The following HYDIN variants were observed in gnomAD, a reference collection of about 807,000 sequenced individuals.
HYDIN encodes the protein axonemal central pair apparatus protein HYDIN.
Under a neutral mutation model 403.9 loss-of-function variants are expected in HYDIN, and 132 were observed. The ratio of observed to expected loss-of-function variants is 0.33; its 90% confidence interval spans 0.28 to 0.38. The LOEUF is 0.38. HYDIN is among the 10% of genes least tolerant of loss of function. The pLI is 1.00. For missense variants in HYDIN, 2,827 were observed against 5,009.5 expected, an observed-to-expected ratio of 0.56 and a Z score of 13.15; for synonymous variants, 1,202 against 1,891.7, an observed-to-expected ratio of 0.64 and a Z score of 9.46.
At chr16:70,999,846 G>C (rs2079644739) in intron 23 of HYDIN, among the ~76,000 whole-genome samples, 1 of 152,102 alleles carries the variant, frequency 6.6e-6, no homozygotes, top group African/African-American at 2.4e-5. Flanking sequence ...TTTGCTGTCA[G>C]GTGAGTAGTG....
intron 1 of HYDIN, among the ~76,000 whole-genome samples, chr16:71,188,403 A>C (rs2144672912): frequency 6.6e-6 from 1 of 152,296 alleles, no homozygotes; most frequent in African/African-American, 2.4e-5. Context: ...TCCAAACCAA[A>C]TTTTGGTTGG....
chr16:70,808,000 G>A lies in HYDIN; in HGVS notation c.14946C>T (p.Gly4982=), dbSNP rs2035205759. 1 of 1,613,914 alleles carries A rather than the reference G, an allele frequency of 6.2e-7. No individual in the cohort carries two copies. Among genetic ancestry groups the A allele is most frequent in the Non-Finnish European group, 8.5e-7 (1 of 1,179,984 alleles). Reference sequence around the variant, plus strand: ...ATAAGACTTCCACACTGGCTTCAGTGCCTCCCTGGCCTCCTGGGGCTGCAT... The same window carrying A: ...ATAAGACTTCCACACTGGCTTCAGTACCTCCCTGGCCTCCTGGGGCTGCAT... ...LINAAPGGQG[G]TEASVEVLFE... Residue 4982 remains glycine (G), a synonymous_variant, in exon 86 of 86, where the codon GGC becomes GGT. Coordinates refer to ENST00000393567, the MANE Select transcript of HYDIN (RefSeq NM_001270974.2).
At chr16:71,055,805 C>A (rs886479447) in intron 18 of HYDIN, among the ~76,000 whole-genome samples, 1 of 151,732 alleles carries the variant, frequency 6.6e-6, no homozygotes, top group African/African-American at 2.4e-5. Flanking sequence ...GACATCTGGA[C>A]CCAAGGTTTG....
chr16:71,113,766 T>C (rs1185507251), intron 10 of HYDIN: 1 of 152,152 alleles, frequency 6.6e-6, no homozygotes, highest in African/African-American at 2.4e-5. Context: ...ATTAAGTTTT[T>C]AATTTTTTGT....
intron 9 of HYDIN, among the ~76,000 whole-genome samples, chr16:71,128,152 T>G (rs890746321): frequency 6.6e-6 from 1 of 152,220 alleles, no homozygotes; most frequent in African/African-American, 2.4e-5. Flanking sequence ...TCTTTGACTA[T>G]GAAAATCACC....
intron 41 of HYDIN, among the ~76,000 whole-genome samples, chr16:70,944,153 C>G (rs190503050): frequency 1.3e-5 from 2 of 152,192 alleles, no homozygotes; most frequent in Non-Finnish European, 2.9e-5. Context: ...ATGGAAGGTA[C>G]GTTGTTTGTG....
At position 70,994,266 on chromosome 16, in the gene HYDIN, C is replaced by CATGGATGGATGG. The variant is rs34567184; in HGVS notation, c.3645-2068_3645-2057dup. Among the ~76,000 whole-genome samples, 109 of 136,670 alleles carry CATGGATGGATGG rather than the reference C, an allele frequency of 8.0e-4. 1 individual carries two copies. Among genetic ancestry groups the CATGGATGGATGG allele is most frequent in the African/African-American group, 1.2e-3 (46 of 37,546 alleles). 89.7% of individuals were successfully genotyped at this position (136,670 alleles called of 152,430 possible). On this transcript the variant is annotated intron_variant, in intron 23 of 85. Coordinates refer to ENST00000393567, the MANE Select transcript of HYDIN (RefSeq NM_001270974.2). ...GGTTGATTGAATGAATGGATGGATGCATGGATGGATGGATGGATGGATGGA... is the reference window on the plus strand; with the variant it reads ...GGTTGATTGAATGAATGGATGGATGCATGGATGGATGGATGGATGGATGGATGGATGGATGGA...
intron 12 of HYDIN, among the ~76,000 whole-genome samples, chr16:71,085,222 T>C (rs1156697775): frequency 1.2e-5 from 1 of 82,446 alleles, no homozygotes; most frequent in Non-Finnish European, 2.4e-5. Context: ...GTGAAGCCAC[T>C]TGATCTTGTT....
In HYDIN at chr16:70,855,211, G is replaced by T. The variant is rs375384248; in HGVS notation, c.12360C>A (p.Phe4120Leu). The change falls in exon 73 of 86, where the codon TTC (phenylalanine) becomes TTA (leucine). Residue 4120 changes from phenylalanine to leucine, a missense_variant. Phe to Leu is a conservative substitution (Grantham distance 22). Coordinates refer to ENST00000393567, the MANE Select transcript of HYDIN (RefSeq NM_001270974.2). ...NKEEQGFDFS[F>L]QDNSRYSEGF... ...CTTCAGAATAGCGGGAGTTGTCCTG[G>T]AAGGAAAAATCGAACCCCTGCTCCT... is the stretch of plus-strand genomic sequence containing the variant. 1.2e-3 allele frequency: 1,944 copies of T among 1,557,024 alleles called. 74 individuals carry two copies. The highest frequency in any genetic ancestry group is 1.6e-3 in the Non-Finnish European group (1,805 of 1,151,030).
intron 41 of HYDIN, among the ~76,000 whole-genome samples, chr16:70,951,306 A>C (rs1412784717): frequency 2.1e-5 from 3 of 140,406 alleles, no homozygotes; most frequent in African/African-American, 8.1e-5. Flanking sequence ...GAGAGAGAGA[A>C]ACTTCACAAC....
chr16:70,817,969 T>G (rs1023950434), intron 84 of HYDIN, among the ~76,000 whole-genome samples: 18 of 152,170 alleles, frequency 1.2e-4, no homozygotes, highest in African/African-American at 4.1e-4. Flanking sequence ...CTCAAACTCC[T>G]GACCTCAAGT....
At position 70,834,948 on chromosome 16, in the gene HYDIN, ATG is replaced by A. The variant is rs1446208279; in HGVS notation, c.13401+726_13401+727del. Among the ~76,000 whole-genome samples the A allele has an allele frequency of 1.0e-3, 150 of 146,830 alleles. 2 individuals are homozygous for A. Among genetic ancestry groups the A allele is most frequent in the Middle Eastern group, 7.1e-3 (2 of 282 alleles). ...CATATATGTATATATACACACATAT[ATG>A]TATATATATACACACATATATGTGT... On this transcript the variant is annotated intron_variant, in intron 78 of 85. Coordinates refer to ENST00000393567, the MANE Select transcript of HYDIN (RefSeq NM_001270974.2).
intron 1 of HYDIN, among the ~76,000 whole-genome samples, chr16:71,188,192 G>A (rs1483629045): frequency 6.6e-6 from 1 of 151,824 alleles, no homozygotes; most frequent in East Asian, 1.9e-4. Flanking sequence ...CTAGGTTTTT[G>A]CTATGTTGAC....
intron 47 of HYDIN, among the ~76,000 whole-genome samples, chr16:70,916,794 G>C (rs1164376637): frequency 6.6e-6 from 1 of 152,138 alleles, no homozygotes; most frequent in Non-Finnish European, 1.5e-5. Flanking sequence ...GAATTCTTCT[G>C]AGCATTCTTA....
chr16:70,914,131 G>A (rs2076771177), intron 47 of HYDIN, among the ~76,000 whole-genome samples: 1 of 151,996 alleles, frequency 6.6e-6, no homozygotes, highest in African/African-American at 2.4e-5. Context: ...TGTTAGTATT[G>A]AGATGTGAGG....
At position 70,818,401 on chromosome 16, in the gene HYDIN, C is replaced by T. The variant is rs1381219094; in HGVS notation, c.14599G>A (p.Glu4867Lys). ...PLPYSVTFST[E>K]CRMPDIALPS... The stretch of plus-strand genomic sequence containing the variant: ...AGGGCGATGTCGGGCATCCGGCATT[C>T]CGTGGAGAAGGTCACCGAGTAGGGC... The change falls in exon 84 of 86, where the codon GAA becomes AAA. Residue 4867 changes from glutamate (E) to lysine (K), a missense_variant. By Grantham distance (56) the Glu-to-Lys change is moderately conservative (BLOSUM62 1). Transcript: ENST00000393567. 8.1e-6 allele frequency: 13 copies of T among 1,613,740 alleles called. No homozygotes were observed. The highest frequency in any genetic ancestry group is 1.1e-5 in the Non-Finnish European group (13 of 1,179,798).
At chr16:71,079,017 G>T (rs1420583924) in intron 13 of HYDIN, among the ~76,000 whole-genome samples, 1 of 152,078 alleles carries the variant, frequency 6.6e-6, no homozygotes, top group Non-Finnish European at 1.5e-5. Context: ...AACCATATGT[G>T]GCGTGTACAA....
At chr16:70,893,580 C>T (rs61473369) in intron 55 of HYDIN, 2,686 of 151,718 alleles carry the variant, frequency 0.018, 57 homozygotes, top group East Asian at 0.11. Flanking sequence ...TGCAGTGGCA[C>T]GATCACGGCT....
Position 71,186,938 on chromosome 16 carries a change from G to A in HYDIN, c.-23-20C>T, listed in dbSNP as rs373937777. 10 of 1,540,242 alleles carry A rather than the reference G, an allele frequency of 6.5e-6. No homozygotes were observed. In the African/African-American group the frequency reaches 1.1e-4, roughly 17 times the overall value. ...TCTCACCTAAGAGTGAAACAAAAAT[G>A]TCTTAGAACAAATACAGTTAATTCC... On this transcript the variant is annotated intron_variant, in intron 1 of 85. Transcript: ENST00000393567.
Sources: allele counts gnomAD v4.1 joint callset (sites outside exome capture counted in the v4.1 genomes callset), GRCh38; gene constraint gnomAD v4.1.1; transcripts MANE v1.5; gene names NCBI Gene and HGNC (gene_info 2026-07-23, HGNC 2026-07-21).